SHC4: variants seen among roughly 807,000 people sequenced by gnomAD.
SHC4 encodes SHC adaptor protein 4.
Under a neutral mutation model 69.4 loss-of-function variants are expected in SHC4, and 41 were observed. That is an observed-to-expected ratio of 0.59 (90% CI 0.46 to 0.77). The LOEUF (loss-of-function observed/expected upper bound fraction) is 0.77. Among genes scored for constraint, SHC4 ranks in the 30% least tolerant of loss-of-function variants. The pLI is 0.00. For missense variants in SHC4, 777 were observed against 783.8 expected (o/e 0.99, Z 0.10); for synonymous variants, 318 against 299.3 (o/e 1.06, Z -0.64).
intron 2 of SHC4, among the ~76,000 whole-genome samples, chr15:48,920,566 C>T (rs113452498): frequency 0.046 from 6,968 of 152,122 alleles, 454 homozygotes; most frequent in African/African-American, 0.14. Flanking sequence ...TGAGCCACCG[C>T]GCCCGGCCAG....
intron 8 of SHC4, among the ~76,000 whole-genome samples, chr15:48,854,832 GA>G (rs751559102): frequency 1.4e-4 from 21 of 152,304 alleles, no homozygotes; most frequent in African/African-American, 3.1e-4. Flanking sequence ...AGGAGGGAAA[GA>G]GGGGGGCAAA....
intron 11 of SHC4, among the ~76,000 whole-genome samples, chr15:48,833,094 G>C (rs1898834687): frequency 6.6e-6 from 1 of 151,954 alleles, no homozygotes; most frequent in Non-Finnish European, 1.5e-5. Context: ...GATTCTTTTT[G>C]AGTTTCATAA....
chr15:48,831,428 T>C (rs1311369606), intron 11 of SHC4, among the ~76,000 whole-genome samples: 1 of 152,212 alleles, frequency 6.6e-6, no homozygotes, highest in Non-Finnish European at 1.5e-5. Flanking sequence ...TACATAGGTG[T>C]ACCATTTCAA....
intron 3 of SHC4, among the ~76,000 whole-genome samples, chr15:48,885,041 G>T (rs1463414992): frequency 6.6e-6 from 1 of 152,294 alleles, no homozygotes; most frequent in Middle Eastern, 3.4e-3. Context: ...TACTAATAGA[G>T]ATTTAGAGGC....
chr15:48,906,375 C>A (rs2141014172), intron 2 of SHC4, among the ~76,000 whole-genome samples: 2 of 152,240 alleles, frequency 1.3e-5, no homozygotes, highest in Middle Eastern at 6.8e-3. Context: ...AGGTGGAAAT[C>A]TATTTTTTAC....
In SHC4 at chr15:48,823,780, T is replaced by C. The variant is rs1898642659; in HGVS notation, c.*2191A>G. ...TAATCATTTATTTTTTAAAGTCGTT[T>C]ACAGGTATTTATAGGCAAATGGATT... On this transcript the variant is annotated 3_prime_UTR_variant, in exon 12 of 12. Coordinates refer to ENST00000332408, the MANE Select transcript of SHC4 (RefSeq NM_203349.4). The C allele has an allele frequency of 6.6e-6, 1 of 152,260 alleles. No homozygotes were observed. The highest frequency in any genetic ancestry group is 1.5e-5 in the Non-Finnish European group (1 of 68,046). The allele number at this position is 152,260 out of a possible 1,614,324, so 9.4% of individuals were successfully genotyped here. A position where few individuals can be genotyped will look rare whatever the true frequency, so the allele number is the denominator to read the frequency against.
At chr15:48,839,261 G>C (rs1898949950) in intron 10 of SHC4, among the ~76,000 whole-genome samples, 1 of 152,202 alleles carries the variant, frequency 6.6e-6, no homozygotes, top group Non-Finnish European at 1.5e-5. Flanking sequence ...ATCCTGCCAA[G>C]TTTTCAAGGA....
chr15:48,958,109 G>A (rs768831626), intron 1 of SHC4, among the ~76,000 whole-genome samples: 5 of 152,248 alleles, frequency 3.3e-5, no homozygotes, highest in African/African-American at 1.2e-4. Flanking sequence ...CAGTTTGTGG[G>A]ACTTGTTACA....
At chr15:48,862,957 G>A (rs1899474309) in intron 6 of SHC4, among the ~76,000 whole-genome samples, 1 of 151,438 alleles carries the variant, frequency 6.6e-6, no homozygotes, top group Non-Finnish European at 1.5e-5. Flanking sequence ...GTTTTTTTCT[G>A]CACCTGCAGG....
chr15:48,860,232 G>C (rs1899414709), intron 6 of SHC4, among the ~76,000 whole-genome samples: 1 of 152,110 alleles, frequency 6.6e-6, no homozygotes, highest in African/African-American at 2.4e-5. Context: ...ATGAAGTCAA[G>C]GCCAGGTGCA....
At chr15:48,843,312 T>C in intron 10 of SHC4, 97 bp downstream of exon 10, 1 of 1,269,936 alleles carries the variant, frequency 7.9e-7, no homozygotes. Context: ...GATTTTGGAC[T>C]TCTGGCCTCC....
intron 1 of SHC4, among the ~76,000 whole-genome samples, chr15:48,941,656 G>A (rs1398094469): frequency 6.6e-6 from 1 of 152,128 alleles, no homozygotes. Context: ...TTTTAATTAT[G>A]AATCAGATTC....
intron 10 of SHC4, among the ~76,000 whole-genome samples, chr15:48,836,579 G>A (rs567944716): frequency 2.6e-5 from 4 of 151,700 alleles, no homozygotes; most frequent in South Asian, 2.1e-4. Context: ...AACACAAAGC[G>A]TCTTTGAAAT....
chr15:48,961,221 T>C (rs1381200133), intron 1 of SHC4, among the ~76,000 whole-genome samples: 2 of 152,236 alleles, frequency 1.3e-5, no homozygotes, highest in East Asian at 3.8e-4. Context: ...CCAACTGGTC[T>C]TTTAAAAATT....
Position 48,835,010 on chromosome 15 carries a change from GT to G in SHC4, c.1495del (p.Thr499LeufsTer33). 1 of 1,610,946 alleles carries G rather than the reference GT, an allele frequency of 6.2e-7. No homozygotes were observed. Among genetic ancestry groups the G allele is most frequent in the Non-Finnish European group, 8.5e-7 (1 of 1,178,608 alleles). On this transcript the variant is annotated frameshift_variant, in exon 11 of 12. Transcript: ENST00000332408. LOFTEE classifies it high-confidence loss of function. ...CTGGGCTGTGGCACCCGGCTGAACA[GT>G]TTCTGGTGCCTCTGAAGTCAGAACA... Reference protein sequence around the residue: ...SPWHCGKAPETVQPGATAQPA... With the variant: ...SPWHCGKAPEXVQPGATAQPA...
At chr15:48,878,333 G>A (rs1236981975) in intron 4 of SHC4, 13 of 1,613,630 alleles carry the variant, frequency 8.1e-6, no homozygotes, top group Non-Finnish European at 1.1e-5. Context: ...CCAACAGCTC[G>A]AGGAGGAAGG....
Position 48,825,901 on chromosome 15 carries a change from T to C in SHC4, c.*70A>G. 1 of 1,528,798 alleles carries C rather than the reference T, an allele frequency of 6.5e-7. No homozygotes were observed. Among genetic ancestry groups the C allele is most frequent in the Middle Eastern group, 1.8e-4 (1 of 5,702 alleles). 94.7% of individuals were successfully genotyped at this position (1,528,798 alleles called of 1,614,324 possible). ...CTCTATTTTATCTACAAACAAAGTTTAAATTATCTTTGTGTCCTAATACAA... is the reference window on the plus strand; with the variant it reads ...CTCTATTTTATCTACAAACAAAGTTCAAATTATCTTTGTGTCCTAATACAA... On this transcript the variant is annotated 3_prime_UTR_variant, in exon 12 of 12. Coordinates refer to ENST00000332408, the MANE Select transcript of SHC4 (RefSeq NM_203349.4).
intron 1 of SHC4, among the ~76,000 whole-genome samples, chr15:48,953,901 G>A (rs1026622944): frequency 6.6e-6 from 1 of 152,170 alleles, no homozygotes; most frequent in African/African-American, 2.4e-5. Context: ...AATATTGTTT[G>A]GGTGGAAAGT....
chr15:48,875,303 A>G (rs1467626206), intron 4 of SHC4, among the ~76,000 whole-genome samples: 1 of 152,242 alleles, frequency 6.6e-6, no homozygotes, highest in Non-Finnish European at 1.5e-5. Context: ...ATGTGAACAC[A>G]AAGAATAGAA....
Sources: gnomAD v4.1 joint callset for allele counts (sites outside exome capture counted in the v4.1 genomes callset) on GRCh38, gnomAD v4.1.1 for gene constraint, MANE v1.5 for transcripts, NCBI Gene and HGNC (gene_info 2026-07-23, HGNC 2026-07-21) for gene names.